Variants in VPS36 observed in about 807,000 individuals in gnomAD.
VPS36 encodes the protein vacuolar protein-sorting-associated protein 36.
A neutral mutation model predicts 63.5 loss-of-function variants in VPS36; 31 were observed. The ratio of observed to expected loss-of-function variants is 0.49; its 90% CI spans 0.37 to 0.66. The LOEUF is 0.66. Ranked by LOEUF, VPS36 falls within the 30% of genes least tolerant of loss-of-function variation. VPS36 has a pLI of 0.00. For synonymous variants in VPS36, 138 were observed against 157.2 expected (o/e 0.88, Z 0.91); for missense variants, 338 against 463.7 (o/e 0.73, Z 2.49).
At position 52,446,107 on chromosome 13, in the gene VPS36, A is replaced by T. The variant is rs931553663; in HGVS notation, c.97-3662T>A. On this transcript the variant is annotated intron_variant, in intron 1 of 13. Transcript: ENST00000378060. ...CTACTAAAAATAAAAAATAAAAAAT[A>T]AAAAAAAAAATTGCCGGGCGTGGTG... 5.7e-5 allele frequency among the ~76,000 whole-genome samples: 8 copies of T among 141,550 alleles called. No homozygotes were observed. In the East Asian group the frequency reaches 1.0e-3, roughly 18 times the overall value. 92.9% of individuals were successfully genotyped at this position (141,550 alleles called of 152,430 possible).
chr13:52,447,870 G>C (rs1419698977), intron 1 of VPS36, among the ~76,000 whole-genome samples: 1 of 151,008 alleles, frequency 6.6e-6, no homozygotes, highest in Admixed American at 6.6e-5. Context: ...GTAGCTCCAT[G>C]AACAAAGCAC....
intron 10 of VPS36, among the ~76,000 whole-genome samples, chr13:52,420,252 A>AG (rs1366567906): frequency 6.6e-6 from 1 of 151,092 alleles, no homozygotes; most frequent in Non-Finnish European, 1.5e-5. Flanking sequence ...AAAAAAAAAA[A>AG]GGGGGGGAAT....
At chr13:52,416,922 C>A (rs1566081483) in intron 12 of VPS36, 135 bp downstream of exon 12, 2 of 713,840 alleles carry the variant, frequency 2.8e-6, no homozygotes, top group Non-Finnish European at 4.6e-6. Flanking sequence ...TAGTGATAAA[C>A]CATTTTTATT....
chr13:52,444,410 A>G (rs1292773072), intron 1 of VPS36, among the ~76,000 whole-genome samples: 1 of 151,482 alleles, frequency 6.6e-6, no homozygotes, highest in Non-Finnish European at 1.5e-5. Context: ...CAGTGAGCCG[A>G]GATCGCGCCA....
rs1311227187 is a variant in VPS36, at chr13:52,414,974, G to C, written c.*856C>G. ...GATAGACTTTTTAAAGTTCAGTGTT[G>C]AAACTCCTTATGGAAAAGAAAAGGA... On this transcript the variant is annotated 3_prime_UTR_variant, in exon 14 of 14. Transcript: ENST00000378060. 1.3e-5 allele frequency: 2 copies of C among 152,170 alleles called. No individual in the cohort carries two copies. Among genetic ancestry groups the C allele is most frequent in the Non-Finnish European group, 2.9e-5 (2 of 68,026 alleles). The allele number at this position is 152,170 out of a possible 1,614,324, so 9.4% of individuals were successfully genotyped here. A position where few individuals can be genotyped will look rare whatever the true frequency, so the allele number is the denominator to read the frequency against.
At position 52,421,636 on chromosome 13, in the gene VPS36, C is replaced by T. The variant is rs138388468; in HGVS notation, c.840+1938G>A. ...TTCCTGGTTTAAGCAATTCCCCTGC[C>T]TCAACCTCCTGAGTAGCTGGGATTA... On this transcript the variant is annotated intron_variant, in intron 10 of 13. Coordinates refer to ENST00000378060, the MANE Select transcript of VPS36 (RefSeq NM_016075.4). Among the ~76,000 whole-genome samples the T allele has an allele frequency of 1.8e-3, 279 of 151,682 alleles. 2 individuals are homozygous for T. The highest frequency in any genetic ancestry group is 2.9e-3 in the Non-Finnish European group (196 of 67,930).
At chr13:52,440,456 G>A (rs191942585) in intron 2 of VPS36, among the ~76,000 whole-genome samples, 1 of 152,190 alleles carries the variant, frequency 6.6e-6, no homozygotes, top group African/African-American at 2.4e-5. Flanking sequence ...ACCATGCCTA[G>A]CTAATTTTGT....
intron 1 of VPS36, among the ~76,000 whole-genome samples, chr13:52,445,298 A>G (rs7990581): frequency 0.42 from 63,737 of 152,090 alleles, 14,878 homozygotes; most frequent in East Asian, 0.58. Context: ...TTCTTTGCCA[A>G]TGAGTAAATT....
At chr13:52,430,370 C>T (rs1389248794) in intron 6 of VPS36, among the ~76,000 whole-genome samples, 1 of 152,152 alleles carries the variant, frequency 6.6e-6, no homozygotes, top group Non-Finnish European at 1.5e-5. Context: ...CAGTGACTCA[C>T]GCCTGTAATC....
chr13:52,423,513 G>A (rs556679708), intron 10 of VPS36, 61 bp downstream of exon 10: 87 of 1,438,244 alleles, frequency 6.0e-5, no homozygotes, highest in Non-Finnish European at 7.6e-5. Flanking sequence ...AATTGTATTC[G>A]GAATTTGTAT....
intron 2 of VPS36, among the ~76,000 whole-genome samples, chr13:52,440,499 G>T (rs968735039): frequency 6.6e-6 from 1 of 151,516 alleles, no homozygotes; most frequent in Non-Finnish European, 1.5e-5. Context: ...CTCCACGTTG[G>T]TCAGGCTGGT....
At chr13:52,429,199 C>T (rs1958132378) in intron 6 of VPS36, 2 of 942,880 alleles carry the variant, frequency 2.1e-6, no homozygotes, top group Admixed American at 6.2e-5. Context: ...CCAGGAGTAC[C>T]CCCTTAAGCT....
At position 52,415,239 on chromosome 13, in the gene VPS36, C is replaced by T. The variant is rs563607879; in HGVS notation, c.*591G>A. The T allele has an allele frequency of 6.6e-5, 10 of 152,132 alleles. No homozygotes were observed. The South Asian group carries it at 1.2e-3, about 19-fold the overall frequency. The allele number at this position is 152,132 out of a possible 1,614,324, so 9.4% of individuals were successfully genotyped here. On this transcript the variant is annotated 3_prime_UTR_variant, in exon 14 of 14. Coordinates refer to ENST00000378060, the MANE Select transcript of VPS36 (RefSeq NM_016075.4). ...ACAGTTGCATTCTTTAAATGCCAGT[C>T]ATGAAATCATCACTTAAAAAAACAA...
Position 52,438,955 on chromosome 13 carries a change from A to G in VPS36, c.236+143T>C, listed in dbSNP as rs775321500. On this transcript the variant is annotated intron_variant, in intron 3 of 13. Transcript: ENST00000378060. ...TTCTTTATTATGACCCATGTATAATAAACAAGGATATTACAGCAAACCTTA... is the reference window on the plus strand; with the variant it reads ...TTCTTTATTATGACCCATGTATAATGAACAAGGATATTACAGCAAACCTTA... The G allele has an allele frequency of 8.1e-6, 5 of 615,930 alleles. No individual in the cohort carries two copies. The East Asian group carries it at 1.4e-4, about 18-fold the overall frequency. The allele number at this position is 615,930 out of a possible 1,614,324, so 38.2% of individuals were successfully genotyped here.
At chr13:52,440,022 A>G (rs1478586821) in intron 2 of VPS36, among the ~76,000 whole-genome samples, 1 of 150,996 alleles carries the variant, frequency 6.6e-6, no homozygotes, top group Non-Finnish European at 1.5e-5. Context: ...TCTGTTGCCC[A>G]AGCTGGAGTG....
At chr13:52,418,910 C>G (rs1958019952) in intron 10 of VPS36, among the ~76,000 whole-genome samples, 1 of 152,236 alleles carries the variant, frequency 6.6e-6, no homozygotes, top group Non-Finnish European at 1.5e-5. Flanking sequence ...GCTCCAGAGC[C>G]AGTCCAGCCC....
chr13:52,430,830 T>C (rs1167061178), intron 6 of VPS36, among the ~76,000 whole-genome samples: 1 of 151,588 alleles, frequency 6.6e-6, no homozygotes, highest in African/African-American at 2.4e-5. Flanking sequence ...AAACAGCAAG[T>C]GTCTTTTAAG....
In VPS36 at chr13:52,414,613, A is replaced by G. The variant is rs909520685; in HGVS notation, c.*1217T>C. 1 of 152,206 alleles carries G rather than the reference A, an allele frequency of 6.6e-6. No individual in the cohort carries two copies. Among genetic ancestry groups the G allele is most frequent in the Non-Finnish European group, 1.5e-5 (1 of 68,062 alleles). 9.4% of individuals were successfully genotyped at this position (152,206 alleles called of 1,614,324 possible). A position where few individuals can be genotyped will look rare whatever the true frequency, so the allele number is the denominator to read the frequency against. ...ACTGACAATGTCTTAGGGGTCCCAG[A>G]GTGTGAACCTGGGCATCCCTCTTCC... On this transcript the variant is annotated 3_prime_UTR_variant, in exon 14 of 14. Transcript: ENST00000378060.
chr13:52,426,948 TTATC>T (rs761811408), intron 8 of VPS36, 37 bp downstream of exon 8: 27 of 1,402,420 alleles, frequency 1.9e-5, no homozygotes, highest in Middle Eastern at 2.2e-4. Flanking sequence ...CTGCATTGTG[TTATC>T]TAGTTTCAAA....
Sources: gnomAD v4.1 joint callset for allele counts (sites outside exome capture counted in the v4.1 genomes callset) on GRCh38, gnomAD v4.1.1 for gene constraint, MANE v1.5 for transcripts, NCBI Gene and HGNC (gene_info 2026-07-23, HGNC 2026-07-21) for gene names.